Variants in SORL1 observed in about 807,000 individuals in gnomAD.
SORL1 encodes sortilin-related receptor.
SORL1 carries 127 observed loss-of-function variants against 273.7 expected under a neutral mutation model. The observed-to-expected ratio is 0.46, with a 90% confidence interval of 0.40 to 0.54. The LOEUF (loss-of-function observed/expected upper bound fraction) is 0.54. Ranked by LOEUF, SORL1 falls within the 20% of genes least tolerant of loss-of-function variation. SORL1 has a pLI of 0.00. For synonymous variants in SORL1, 1,031 were observed against 1,067.4 expected (o/e 0.97, Z 0.66); for missense variants, 2,494 against 2,846.1 (o/e 0.88, Z 2.81).
At chr11:121,515,078 T>C (rs977220034) in intron 8 of SORL1, among the ~76,000 whole-genome samples, 2 of 152,168 alleles carry the variant, frequency 1.3e-5, no homozygotes, top group Non-Finnish European at 2.9e-5. Flanking sequence ...GACAACCAGG[T>C]CTGAGGGCAT....
Position 121,625,051 on chromosome 11 carries a change from G to T in SORL1, c.6172-34G>T. The stretch of plus-strand genomic sequence containing the variant: ...ATAGAGGCTGTCAGTTTCCATATTC[G>T]ACTTCCTGAGCAATCTCTTGTGTTT... On this transcript the variant is annotated intron_variant, in intron 45 of 47. Coordinates refer to ENST00000260197, the MANE Select transcript of SORL1 (RefSeq NM_003105.6). The T allele has an allele frequency of 2.7e-6, 4 of 1,506,900 alleles. No homozygotes were observed. In the South Asian group the frequency reaches 4.8e-5, roughly 18 times the overall value. The allele number at this position is 1,506,900 out of a possible 1,614,324, so 93.3% of individuals were successfully genotyped here.
At chr11:121,565,521 T>C (rs1270711853) in intron 21 of SORL1, among the ~76,000 whole-genome samples, 1 of 152,232 alleles carries the variant, frequency 6.6e-6, no homozygotes, top group Non-Finnish European at 1.5e-5. Flanking sequence ...AATGCTTGGC[T>C]GGGTGGCAAC....
intron 42 of SORL1, among the ~76,000 whole-genome samples, chr11:121,619,246 T>C (rs778745356): frequency 2.0e-5 from 3 of 152,236 alleles, no homozygotes; most frequent in African/African-American, 4.8e-5. Flanking sequence ...ATTATTCTTA[T>C]GATAGCAAAA....
intron 46 of SORL1, among the ~76,000 whole-genome samples, 193 bp downstream of exon 46, chr11:121,625,470 G>A (rs1036703364): frequency 6.6e-6 from 1 of 152,186 alleles, no homozygotes; most frequent in African/African-American, 2.4e-5. Context: ...CATGGTACAG[G>A]AAGCTGAGAT....
intron 3 of SORL1, among the ~76,000 whole-genome samples, chr11:121,482,354 A>T (rs1861404268): frequency 6.6e-6 from 1 of 152,118 alleles, no homozygotes; most frequent in Non-Finnish European, 1.5e-5. Flanking sequence ...TTAGATTCTC[A>T]TGGGTGGATA....
chr11:121,514,697 G>T (rs775284892), intron 8 of SORL1, among the ~76,000 whole-genome samples: 3 of 152,174 alleles, frequency 2.0e-5, no homozygotes, highest in Admixed American at 6.5e-5. Flanking sequence ...GTGAGAGCTG[G>T]CATATGCGGC....
At chr11:121,467,484 G>A (rs1346718912) in intron 1 of SORL1, among the ~76,000 whole-genome samples, 1 of 152,166 alleles carries the variant, frequency 6.6e-6, no homozygotes, top group Non-Finnish European at 1.5e-5. Flanking sequence ...CTTTGAGGAT[G>A]CCCAAGTTGA....
chr11:121,468,971 A>T (rs1431840541), intron 1 of SORL1, among the ~76,000 whole-genome samples: 1 of 152,236 alleles, frequency 6.6e-6, no homozygotes, highest in Non-Finnish European at 1.5e-5. Flanking sequence ...TAGTGGTCAT[A>T]TTGCCCTGTA....
intron 1 of SORL1, among the ~76,000 whole-genome samples, chr11:121,457,107 CT>C (rs1315172337): frequency 2.0e-5 from 3 of 152,196 alleles, no homozygotes; most frequent in Non-Finnish European, 4.4e-5. Context: ...CCTGGTTCCA[CT>C]TGGCGTCTTT....
chr11:121,594,444 A>AC (rs1299542469), intron 31 of SORL1, among the ~76,000 whole-genome samples: 1 of 127,272 alleles, frequency 7.9e-6, no homozygotes, highest in Admixed American at 8.1e-5. Flanking sequence ...CCCTTCCCCC[A>AC]CCCCCCCAAT....
intron 42 of SORL1, among the ~76,000 whole-genome samples, chr11:121,619,452 A>G (rs1002914516): frequency 2.6e-5 from 4 of 152,354 alleles, no homozygotes; most frequent in Non-Finnish European, 5.9e-5. Flanking sequence ...TCTCAGTTGT[A>G]TAAAAAATAT....
intron 21 of SORL1, 58 bp from the exon 22 acceptor site, chr11:121,566,882 T>C: frequency 6.6e-7 from 1 of 1,507,846 alleles, no homozygotes; most frequent in African/African-American, 1.4e-5. Context: ...CTTCTTGTAT[T>C]CAGTACCTCC....
chr11:121,510,503 C>A (rs980220761), intron 6 of SORL1, among the ~76,000 whole-genome samples: 12 of 152,150 alleles, frequency 7.9e-5, no homozygotes, highest in Admixed American at 2.6e-4. Context: ...CCTTCAAGTC[C>A]TTATTGCAGT....
Position 121,555,235 on chromosome 11 carries a change from G to T in SORL1, c.2488G>T (p.Gly830Cys). ...STGQEVIINS[G>C]LETVEALAFE... Reference sequence around the variant, plus strand: ...AGGGCAAGAGGTGATCATCAATTCTGGCCTGGAGACAGTAGAAGCTTTGGC... The same window carrying T: ...AGGGCAAGAGGTGATCATCAATTCTTGCCTGGAGACAGTAGAAGCTTTGGC... The change falls in exon 18 of 48, where the codon GGC becomes TGC. Residue 830 changes from glycine to cysteine, a missense_variant. Physicochemically the swap from Gly to Cys is radical, Grantham distance 159. Around this residue, in one of 3 missense-constraint regions of SORL1, gnomAD observed 1,609 missense variants for 1,816.4 expected, o/e 0.89. Transcript: ENST00000260197. 6.2e-7 allele frequency: 1 copy of T among 1,614,062 alleles called. No individual in the cohort carries two copies. The highest frequency in any genetic ancestry group is 1.7e-5 in the Admixed American group (1 of 60,014).
chr11:121,558,311 C>T (rs529501011), intron 19 of SORL1, among the ~76,000 whole-genome samples: 1 of 152,262 alleles, frequency 6.6e-6, no homozygotes, highest in African/African-American at 2.4e-5. Flanking sequence ...TGTGTCACTT[C>T]CTCTGCTGAT....
At position 121,633,541 on chromosome 11, in the gene SORL1, T is replaced by G. The variant is rs1863905023; in HGVS notation, c.*3978T>G. 6.6e-6 allele frequency: 1 copy of G among 152,260 alleles called. No homozygotes were observed. Among genetic ancestry groups the G allele is most frequent in the South Asian group, 2.1e-4 (1 of 4,838 alleles). The allele number at this position is 152,260 out of a possible 1,614,324, so 9.4% of individuals were successfully genotyped here. A position where few individuals can be genotyped will look rare whatever the true frequency, so the allele number is the denominator to read the frequency against. Reference sequence around the variant, plus strand: ...CCAAAGCGAAATTAAGTATTTATAATTTCAATTGCCTCGATAAGTTTCCAA... The same window carrying G: ...CCAAAGCGAAATTAAGTATTTATAAGTTCAATTGCCTCGATAAGTTTCCAA... On this transcript the variant is annotated 3_prime_UTR_variant, in exon 48 of 48. Coordinates refer to ENST00000260197, the MANE Select transcript of SORL1 (RefSeq NM_003105.6).
rs780711153 is a variant in SORL1 at position 121,621,150 on chromosome 11, C to G, written c.5976C>G (p.Thr1992=). 3.7e-6 allele frequency: 6 copies of G among 1,613,956 alleles called. No individual in the cohort carries two copies. The highest frequency in any genetic ancestry group is 5.1e-6 in the Non-Finnish European group (6 of 1,179,878). The change falls in exon 44 of 48, where the codon ACC becomes ACG. Residue 1992 remains threonine (T), a synonymous_variant. Transcript: ENST00000260197. ...VKSRNSTVEY[T]LNKLEPGGKY... is the part of the protein sequence containing the mutation. The stretch of plus-strand genomic sequence containing the variant: ...CCCGTAACAGCACTGTGGAATACAC[C>G]CTTAACAAGTTGGAGCCTGGCGGGA...
At chr11:121,457,624 T>C (rs2134764501) in intron 1 of SORL1, among the ~76,000 whole-genome samples, 1 of 152,298 alleles carries the variant, frequency 6.6e-6, no homozygotes, top group East Asian at 1.9e-4. Flanking sequence ...AGATGATTAC[T>C]TTTTTTCCAG....
intron 35 of SORL1, among the ~76,000 whole-genome samples, chr11:121,606,021 C>T (rs754406494): frequency 7.9e-5 from 12 of 152,190 alleles, no homozygotes; most frequent in Non-Finnish European, 1.6e-4. Flanking sequence ...TTCCCAGGCT[C>T]AGGTGGTCCT....
Sources: gnomAD v4.1 joint callset for allele counts (sites outside exome capture counted in the v4.1 genomes callset) on GRCh38, gnomAD v4.1.1 for gene constraint, gnomAD v4.1.1 regional missense constraint, MANE v1.5 for transcripts, NCBI Gene and HGNC (gene_info 2026-07-23, HGNC 2026-07-21) for gene names.